CD2AP: variants seen among roughly 807,000 people sequenced by gnomAD.
CD2AP encodes CD2-associated protein.
CD2AP carries 46 observed loss-of-function variants against 85.1 expected under a neutral mutation model. That is an observed-to-expected ratio of 0.54 (90% CI 0.43 to 0.69). CD2AP has a LOEUF of 0.69. Ranked by LOEUF, CD2AP falls within the 30% of genes least tolerant of loss-of-function variation. The pLI, the probability that CD2AP is intolerant of heterozygous loss-of-function variation, is 0.00. For missense variants in CD2AP, 769 were observed against 729.5 expected, an observed-to-expected ratio of 1.05 and a Z score of -0.62; for synonymous variants, 255 against 252.9, an observed-to-expected ratio of 1.01 and a Z score of -0.08.
intron 13 of CD2AP, among the ~76,000 whole-genome samples, chr6:47,605,255 T>C (rs1769239075): frequency 2.0e-5 from 3 of 151,996 alleles, no homozygotes; most frequent in African/African-American, 7.2e-5. Context: ...TAAAGGAAGG[T>C]TATATTAAAA....
chr6:47,543,473 T>G (rs1272166815), intron 3 of CD2AP, among the ~76,000 whole-genome samples: 1 of 152,212 alleles, frequency 6.6e-6, no homozygotes, highest in East Asian at 1.9e-4. Flanking sequence ...ACTTAGTAGC[T>G]TAAACATCAG....
At chr6:47,613,874 T>G (rs1192707339) in intron 17 of CD2AP, among the ~76,000 whole-genome samples, 1 of 152,360 alleles carries the variant, frequency 6.6e-6, no homozygotes, top group Admixed American at 6.5e-5. Context: ...CTAGATCTTC[T>G]GGATAACTTG....
rs1769892576 is a variant in CD2AP, at chr6:47,625,799, T to A, written c.*1572T>A. The A allele has an allele frequency of 2.0e-5, 3 of 151,946 alleles. No individual in the cohort carries two copies. The South Asian group carries it at 6.2e-4, about 32-fold the overall frequency. The allele number at this position is 151,946 out of a possible 1,614,324, so 9.4% of individuals were successfully genotyped here. Reference sequence around the variant, plus strand: ...AAATGCCAGTAAACAACATAATGTTTAATTTACAACTTACATTAGGGGTTT... The same window carrying A: ...AAATGCCAGTAAACAACATAATGTTAAATTTACAACTTACATTAGGGGTTT... On this transcript the variant is annotated 3_prime_UTR_variant, in exon 18 of 18. Transcript: ENST00000359314.
At chr6:47,518,993 T>C (rs1482599725) in intron 2 of CD2AP, among the ~76,000 whole-genome samples, 1 of 152,230 alleles carries the variant, frequency 6.6e-6, no homozygotes, top group Non-Finnish European at 1.5e-5. Flanking sequence ...TTTATTCTTA[T>C]CTATTTGCCA....
intron 1 of CD2AP, among the ~76,000 whole-genome samples, chr6:47,493,566 T>G (rs1258226575): frequency 2.0e-5 from 3 of 152,038 alleles, no homozygotes; most frequent in Non-Finnish European, 4.4e-5. Context: ...TATCCTAATT[T>G]TGTTCTCTTA....
At chr6:47,609,414 C>A in intron 16 of CD2AP, 110 bp downstream of exon 16, 1 of 868,132 alleles carries the variant, frequency 1.2e-6, no homozygotes, top group Non-Finnish European at 1.9e-6. Context: ...TGGTAGTTCG[C>A]GCCTGTAATC....
chr6:47,540,768 C>T (rs191159955), intron 3 of CD2AP, among the ~76,000 whole-genome samples: 1 of 152,074 alleles, frequency 6.6e-6, no homozygotes, highest in African/African-American at 2.4e-5. Flanking sequence ...GAAAAAGAAA[C>T]CACATTTTAA....
intron 16 of CD2AP, among the ~76,000 whole-genome samples, chr6:47,612,108 A>C (rs191170481): frequency 8.5e-5 from 13 of 152,196 alleles, no homozygotes; most frequent in Admixed American, 8.5e-4. Flanking sequence ...CTTGCCTTGT[A>C]TTGTGATGTG....
At chr6:47,608,491 C>T (rs1189744505) in intron 15 of CD2AP, among the ~76,000 whole-genome samples, 1 of 152,120 alleles carries the variant, frequency 6.6e-6, no homozygotes, top group Non-Finnish European at 1.5e-5. Context: ...CATAGTTTCA[C>T]TACAACTGAG....
intron 2 of CD2AP, among the ~76,000 whole-genome samples, chr6:47,504,854 A>G (rs916613801): frequency 1.3e-5 from 2 of 152,116 alleles, no homozygotes; most frequent in African/African-American, 2.4e-5. Flanking sequence ...TAAAAAAAGC[A>G]ATGTGGATAC....
At chr6:47,548,826 C>A (rs1046572095) in intron 4 of CD2AP, among the ~76,000 whole-genome samples, 3 of 152,078 alleles carry the variant, frequency 2.0e-5, no homozygotes, top group African/African-American at 7.2e-5. Flanking sequence ...CTAACTGAAT[C>A]CAACAACATA....
chr6:47,504,488 A>G (rs1046552897), intron 2 of CD2AP, among the ~76,000 whole-genome samples: 1 of 152,224 alleles, frequency 6.6e-6, no homozygotes, highest in East Asian at 1.9e-4. Flanking sequence ...GTTATATAAA[A>G]TGGCATAGTA....
At position 47,478,363 on chromosome 6, in the gene CD2AP, C is replaced by T. The variant is rs533804071; in HGVS notation, c.4+115C>T. On this transcript the variant is annotated intron_variant, in intron 1 of 17. Coordinates refer to ENST00000359314, the MANE Select transcript of CD2AP (RefSeq NM_012120.3). Reference sequence around the variant, plus strand: ...GCGGTCAGCCCCTGAGCGGCAGCACCCCACCCTCTCCATTCTCCCCACCGC... The same window carrying T: ...GCGGTCAGCCCCTGAGCGGCAGCACTCCACCCTCTCCATTCTCCCCACCGC... 30 of 1,176,872 alleles carry T rather than the reference C, an allele frequency of 2.5e-5. No homozygotes were observed. The African/African-American group carries it at 3.9e-4, about 15-fold the overall frequency. The allele number at this position is 1,176,872 out of a possible 1,614,324, so 72.9% of individuals were successfully genotyped here.
At chr6:47,622,374 A>G (rs1769772099) in intron 17 of CD2AP, among the ~76,000 whole-genome samples, 1 of 152,088 alleles carries the variant, frequency 6.6e-6, no homozygotes, top group Admixed American at 6.5e-5. Flanking sequence ...GCCCCGTTCA[A>G]ATTGTTACAA....
At chr6:47,563,333 T>A (rs1345252380) in intron 5 of CD2AP, among the ~76,000 whole-genome samples, 2 of 152,208 alleles carry the variant, frequency 1.3e-5, no homozygotes, top group African/African-American at 2.4e-5. Flanking sequence ...CTAAATGTAA[T>A]ACTTTGTTTG....
chr6:47,600,779 CTGTT>C (rs1252303686), intron 13 of CD2AP, among the ~76,000 whole-genome samples: 1 of 151,764 alleles, frequency 6.6e-6, no homozygotes, highest in Non-Finnish European at 1.5e-5. Context: ...ATATTGTTTT[CTGTT>C]TGATTTAAAA....
chr6:47,515,741 T>A (rs1373638236), intron 2 of CD2AP, among the ~76,000 whole-genome samples: 1 of 152,136 alleles, frequency 6.6e-6, no homozygotes, highest in Non-Finnish European at 1.5e-5. Flanking sequence ...AGTTGAAAGA[T>A]CTTAGCATTA....
chr6:47,543,167 AAAAAAG>A (rs1190866900), intron 3 of CD2AP, among the ~76,000 whole-genome samples: 73 of 144,080 alleles, frequency 5.1e-4, no homozygotes, highest in African/African-American at 1.7e-3. Context: ...AAAAAAAAAA[AAAAAAG>A]AAAAAGAAAA....
chr6:47,513,643 T>A (rs1766374718), intron 2 of CD2AP, among the ~76,000 whole-genome samples: 2 of 152,180 alleles, frequency 1.3e-5, no homozygotes, highest in Admixed American at 1.3e-4. Context: ...TAGTATTCCA[T>A]TGTCCGGCTA....
Sources: allele counts gnomAD v4.1 joint callset (sites outside exome capture counted in the v4.1 genomes callset), GRCh38; gene constraint gnomAD v4.1.1; transcripts MANE v1.5; gene names NCBI Gene and HGNC (gene_info 2026-07-23, HGNC 2026-07-21).